Variants in FNDC3B observed in about 807,000 individuals in gnomAD.
The protein encoded by FNDC3B is fibronectin type III domain containing 3B, also known as fibronectin type III domain-containing protein 3B.
A neutral mutation model predicts 151.5 loss-of-function variants in FNDC3B; 12 were observed. That is an observed-to-expected ratio of 0.08 (90% CI 0.05 to 0.13). FNDC3B has a LOEUF of 0.13. Among genes scored for constraint, FNDC3B ranks in the 10% least tolerant of loss-of-function variants. The pLI is 1.00. For missense variants in FNDC3B, 1,214 were observed against 1,505.3 expected, an observed-to-expected ratio of 0.81 and a Z score of 3.20; for synonymous variants, 528 against 549.0, an observed-to-expected ratio of 0.96 and a Z score of 0.54.
intron 23 of FNDC3B, among the ~76,000 whole-genome samples, chr3:172,363,663 C>A (rs1734469979): frequency 6.6e-6 from 1 of 152,188 alleles, no homozygotes; most frequent in Admixed American, 6.5e-5. Flanking sequence ...TCTGTTATTT[C>A]CTTTTATGCA....
At chr3:172,366,385 T>C (rs954149633) in intron 23 of FNDC3B, among the ~76,000 whole-genome samples, 5 of 152,306 alleles carry the variant, frequency 3.3e-5, no homozygotes, top group Admixed American at 6.5e-5. Flanking sequence ...GCGCTAAGCA[T>C]TGAGAGCTTT....
chr3:172,200,298 C>T (rs1725080411), intron 3 of FNDC3B, among the ~76,000 whole-genome samples: 1 of 152,202 alleles, frequency 6.6e-6, no homozygotes, highest in African/African-American at 2.4e-5. Flanking sequence ...CACACAGAGG[C>T]CTTGGCCAGG....
intron 1 of FNDC3B, among the ~76,000 whole-genome samples, chr3:172,042,541 G>T (rs1428663449): frequency 1.3e-5 from 2 of 152,202 alleles, no homozygotes; most frequent in African/African-American, 4.8e-5. Context: ...TCCTTTCTGG[G>T]ATATCTGATG....
intron 2 of FNDC3B, among the ~76,000 whole-genome samples, chr3:172,124,102 T>C (rs1720690661): frequency 6.6e-6 from 1 of 152,160 alleles, no homozygotes; most frequent in Non-Finnish European, 1.5e-5. Flanking sequence ...ACTTTTTTTT[T>C]TCTCTCTAGA....
intron 11 of FNDC3B, among the ~76,000 whole-genome samples, chr3:172,326,023 A>G (rs534281336): frequency 6.6e-6 from 1 of 152,170 alleles, no homozygotes; most frequent in East Asian, 1.9e-4. Flanking sequence ...ACGGTGTTTC[A>G]CCATGTTGGC....
At chr3:172,081,619 C>T (rs1294185077) in intron 1 of FNDC3B, among the ~76,000 whole-genome samples, 1 of 152,002 alleles carries the variant, frequency 6.6e-6, no homozygotes, top group Non-Finnish European at 1.5e-5. Context: ...TTTTCTTTTT[C>T]CTTAGATCGA....
chr3:172,307,301 G>A, intron 9 of FNDC3B, 62 bp from the exon 10 acceptor site: 1 of 1,567,190 alleles, frequency 6.4e-7, no homozygotes, highest in Non-Finnish European at 8.8e-7. Context: ...GTGAAACAAA[G>A]ATAAGAATCC....
chr3:172,337,242 T>A (rs1357112466), intron 15 of FNDC3B, 88 bp from the exon 16 acceptor site: 2 of 860,126 alleles, frequency 2.3e-6, no homozygotes, highest in Admixed American at 4.1e-5. Flanking sequence ...GATAGTATAA[T>A]GGTGTGTGAT....
intron 3 of FNDC3B, among the ~76,000 whole-genome samples, chr3:172,161,967 C>T (rs1483395915): frequency 2.2e-5 from 3 of 134,296 alleles, no homozygotes; most frequent in Non-Finnish European, 4.6e-5. Flanking sequence ...TGATTGTCCT[C>T]TTAGGATAAT....
chr3:172,398,615 A>G lies in FNDC3B; in HGVS notation c.*1140A>G, dbSNP rs555639241. The stretch of plus-strand genomic sequence containing the variant: ...TTGCCTGGCCATGGTTGGAGAGGGA[A>G]TGGTGTTTGATGGTAAACACAGGGT... On this transcript the variant is annotated 3_prime_UTR_variant, in exon 26 of 26. Coordinates refer to ENST00000415807, the MANE Select transcript of FNDC3B (RefSeq NM_022763.4). 1 of 152,202 alleles carries G rather than the reference A, an allele frequency of 6.6e-6. No individual in the cohort carries two copies. Among genetic ancestry groups the G allele is most frequent in the East Asian group, 1.9e-4 (1 of 5,204 alleles). 9.4% of individuals were successfully genotyped at this position (152,202 alleles called of 1,614,324 possible). A position where few individuals can be genotyped will look rare whatever the true frequency, so the allele number is the denominator to read the frequency against.
chr3:172,052,246 G>T (rs1475962283), intron 1 of FNDC3B, among the ~76,000 whole-genome samples: 1 of 147,524 alleles, frequency 6.8e-6, no homozygotes, highest in African/African-American at 2.5e-5. Flanking sequence ...ATTTTTGTGG[G>T]TTTTTTTTTT....
intron 4 of FNDC3B, among the ~76,000 whole-genome samples, chr3:172,246,774 G>C (rs1207079807): frequency 6.6e-6 from 1 of 152,138 alleles, no homozygotes; most frequent in Non-Finnish European, 1.5e-5. Flanking sequence ...AATAAATAAT[G>C]AACAAAGAAT....
At chr3:172,343,957 T>G in intron 18 of FNDC3B, 129 bp from the exon 19 acceptor site, 3 of 742,500 alleles carry the variant, frequency 4.0e-6, no homozygotes, top group Non-Finnish European at 6.8e-6. Flanking sequence ...GGGCATGGAT[T>G]CTTTTGTAAG....
chr3:172,104,584 C>T (rs1719547103), intron 1 of FNDC3B, among the ~76,000 whole-genome samples: 1 of 152,134 alleles, frequency 6.6e-6, no homozygotes, highest in Admixed American at 6.5e-5. Flanking sequence ...CTAAAACAAC[C>T]TCTAGGTTTC....
At position 172,247,712 on chromosome 3, in the gene FNDC3B, T is replaced by C. The variant is rs557731374; in HGVS notation, c.444T>C (p.Pro148=). 143 of 1,614,116 alleles carry C rather than the reference T, an allele frequency of 8.9e-5. 3 individuals are homozygous for C. The South Asian group carries it at 1.5e-3, about 17-fold the overall frequency. Residue 148 remains proline, a synonymous_variant, in exon 5 of 26, where the codon CCT becomes CCC. Transcript: ENST00000415807. ...CTTACTACCCACCTGTTACCGGACC[T>C]GGAGATATGCCGCCTCAGTTTTTTC... is the stretch of plus-strand genomic sequence containing the variant. ...HTAYYPPVTG[P]GDMPPQFFPQ... is the part of the protein sequence containing the mutation.
chr3:172,180,084 G>A (rs528928467), intron 3 of FNDC3B, among the ~76,000 whole-genome samples: 1 of 152,186 alleles, frequency 6.6e-6, no homozygotes, highest in South Asian at 2.1e-4. Flanking sequence ...TGCGTATTTT[G>A]ATTGCACATG....
intron 9 of FNDC3B, chr3:172,302,979 C>A (rs1731005821): frequency 6.6e-6 from 1 of 150,556 alleles, no homozygotes; most frequent in African/African-American, 2.5e-5. Flanking sequence ...GAGAAAAATC[C>A]AATATGTAAA....
At chr3:172,118,093 C>T (rs1720351967) in intron 2 of FNDC3B, among the ~76,000 whole-genome samples, 1 of 152,138 alleles carries the variant, frequency 6.6e-6, no homozygotes, top group South Asian at 2.1e-4. Context: ...CCCTTGTTTC[C>T]TCTAGGCAGA....
intron 8 of FNDC3B, among the ~76,000 whole-genome samples, chr3:172,297,171 GAATT>G (rs1730657118): frequency 6.6e-6 from 1 of 152,112 alleles, no homozygotes; most frequent in Non-Finnish European, 1.5e-5. Flanking sequence ...CTGAAAATCT[GAATT>G]ATTATACAAA....
Sources: gnomAD v4.1 joint callset for allele counts (sites outside exome capture counted in the v4.1 genomes callset) on GRCh38, gnomAD v4.1.1 for gene constraint, MANE v1.5 for transcripts, NCBI Gene and HGNC (gene_info 2026-07-23, HGNC 2026-07-21) for gene names.